The following CHD9 variants were observed in gnomAD, a reference collection of about 807,000 sequenced individuals.
The protein encoded by CHD9 is ATP-dependent chromatin remodeler CHD9.
In CHD9, 77 loss-of-function variants were observed where a neutral mutation model predicts 316.1. That is an observed-to-expected ratio of 0.24 (90% CI 0.20 to 0.29). The LOEUF (loss-of-function observed/expected upper bound fraction) is 0.29. Ranked by LOEUF, CHD9 falls within the 10% of genes least tolerant of loss-of-function variation. The probability of loss-of-function intolerance (pLI) is 1.00; values close to 1 mark genes in which losing one functional copy is unlikely to be tolerated. For synonymous variants in CHD9, 1,129 were observed against 1,158.3 expected, an observed-to-expected ratio of 0.97 and a Z score of 0.51; for missense variants, 2,763 against 3,438.1, an observed-to-expected ratio of 0.80 and a Z score of 4.91.
At chr16:53,081,156 A>G (rs1404951344) in intron 1 of CHD9, among the ~76,000 whole-genome samples, 1 of 152,218 alleles carries the variant, frequency 6.6e-6, no homozygotes, top group Non-Finnish European at 1.5e-5. Context: ...TGAGATTTTA[A>G]AAGCATTTGC....
intron 1 of CHD9, among the ~76,000 whole-genome samples, chr16:53,120,961 G>A (rs1475524642): frequency 1.3e-5 from 2 of 152,190 alleles, no homozygotes; most frequent in African/African-American, 2.4e-5. Flanking sequence ...AGCCAAGATC[G>A]TGCCACTGCA....
At chr16:53,186,537 G>C (rs2044025866) in intron 2 of CHD9, among the ~76,000 whole-genome samples, 1 of 152,126 alleles carries the variant, frequency 6.6e-6, no homozygotes. Flanking sequence ...AAGACTTCGA[G>C]GGACTGTTGG....
Position 53,238,500 on chromosome 16 carries a change from A to G in CHD9, c.2791A>G (p.Thr931Ala). 6.2e-7 allele frequency: 1 copy of G among 1,613,340 alleles called. No individual in the cohort carries two copies. Among genetic ancestry groups the G allele is most frequent in the African/African-American group, 1.3e-5 (1 of 74,998 alleles). ...CTGGGAGAGAGAATTTCGTACGTGGACTGATATTAACGTTGTGGTTTATCA... is the reference window on the plus strand; with the variant it reads ...CTGGGAGAGAGAATTTCGTACGTGGGCTGATATTAACGTTGTGGTTTATCA... The part of the protein sequence containing the change: ...ANWEREFRTW[T>A]DINVVVYHGS... The change falls in exon 12 of 39, where the codon ACT (threonine) becomes GCT (alanine). Residue 931 changes from threonine (T) to alanine (A), a missense_variant. Coordinates refer to ENST00000447540, the MANE Select transcript of CHD9 (RefSeq NM_001308319.2).
intron 2 of CHD9, among the ~76,000 whole-genome samples, chr16:53,162,833 A>G (rs73599592): frequency 0.034 from 4,825 of 143,272 alleles, 95 homozygotes; most frequent in Middle Eastern, 0.079. Context: ...CTCAGACTGG[A>G]GTGCAGTGGG....
Position 53,271,501 on chromosome 16 carries a change from G to T in CHD9, c.4718-2125G>T, listed in dbSNP as rs182777217. On this transcript the variant is annotated intron_variant, in intron 22 of 38. Transcript: ENST00000447540. Reference sequence around the variant, plus strand: ...TGAGAATCACTTGAACCTGGGAGGCGGAGGTTGCAGTGAGCCGAGATCACG... The same window carrying T: ...TGAGAATCACTTGAACCTGGGAGGCTGAGGTTGCAGTGAGCCGAGATCACG... 2.6e-4 allele frequency among the ~76,000 whole-genome samples: 39 copies of T among 151,760 alleles called. No individual in the cohort carries two copies. In the East Asian group the frequency reaches 7.6e-3, roughly 29 times the overall value.
In CHD9 at chr16:53,113,087, G is replaced by A. The variant is rs2037992371; in HGVS notation, c.-164-42839G>A. Among the ~76,000 whole-genome samples, 5 of 152,256 alleles carry A rather than the reference G, an allele frequency of 3.3e-5. No individual in the cohort carries two copies. In the South Asian group the frequency reaches 1.0e-3, roughly 32 times the overall value. ...GTCTCAGCTACGTTTGGGAGGCTGA[G>A]GCATGAGGATCACTTGAGCCTGGGA... is the stretch of plus-strand genomic sequence containing the variant. On this transcript the variant is annotated intron_variant, in intron 1 of 38. Transcript: ENST00000447540.
intron 32 of CHD9, 64 bp from the exon 33 acceptor site, chr16:53,307,617 A>C: frequency 7.0e-7 from 1 of 1,435,850 alleles, no homozygotes; most frequent in Non-Finnish European, 9.4e-7. Flanking sequence ...CTCTTGAGCT[A>C]TTTGATCTCC....
At chr16:53,176,439 A>G (rs1461918622) in intron 2 of CHD9, among the ~76,000 whole-genome samples, 1 of 152,254 alleles carries the variant, frequency 6.6e-6, no homozygotes, top group Non-Finnish European at 1.5e-5. Flanking sequence ...TCAATCTGCA[A>G]CTTGAATTAT....
intron 11 of CHD9, among the ~76,000 whole-genome samples, chr16:53,238,043 G>GT (rs1186756271): frequency 1.3e-5 from 2 of 152,040 alleles, no homozygotes; most frequent in Non-Finnish European, 2.9e-5. Context: ...GATACAGAAG[G>GT]TATTTATTAA....
intron 1 of CHD9, among the ~76,000 whole-genome samples, chr16:53,102,787 C>T (rs1462817474): frequency 6.6e-6 from 1 of 152,034 alleles, no homozygotes; most frequent in Non-Finnish European, 1.5e-5. Flanking sequence ...GAGTTCAAGG[C>T]CACAGTAAGC....
Position 53,267,980 on chromosome 16 carries a change from A to G in CHD9, c.4571A>G (p.Asn1524Ser), listed in dbSNP as rs1380304888. 2 of 1,613,704 alleles carry G rather than the reference A, an allele frequency of 1.2e-6. No homozygotes were observed. Among genetic ancestry groups the G allele is most frequent in the Non-Finnish European group, 1.7e-6 (2 of 1,179,726 alleles). ...LSHGRFKRQL[N>S]EHDVEIICRA... ...CATGGCCGTTTCAAAAGGCAGCTAAATGAACACGATGTAGAGATAATTTGC... is the reference window on the plus strand; with the variant it reads ...CATGGCCGTTTCAAAAGGCAGCTAAGTGAACACGATGTAGAGATAATTTGC... The change falls in exon 22 of 39, where the codon AAT (asparagine) becomes AGT (serine). Residue 1524 changes from asparagine (N) to serine (S), a missense_variant. Asn to Ser is a conservative substitution (Grantham distance 46, BLOSUM62 1). Transcript: ENST00000447540.
At chr16:53,127,895 A>G (rs2039041295) in intron 1 of CHD9, among the ~76,000 whole-genome samples, 1 of 144,054 alleles carries the variant, frequency 6.9e-6, no homozygotes. Flanking sequence ...GTTAGCCGAG[A>G]TCATTCCACT....
chr16:53,080,115 T>G lies in CHD9; in HGVS notation c.-165+25038T>G, dbSNP rs995440086. Among the ~76,000 whole-genome samples the G allele has an allele frequency of 2.0e-5, 3 of 152,284 alleles. 1 individual carries two copies. Among genetic ancestry groups the G allele is most frequent in the East Asian group, 1.9e-4 (1 of 5,190 alleles). On this transcript the variant is annotated intron_variant, in intron 1 of 38. Coordinates refer to ENST00000447540, the MANE Select transcript of CHD9 (RefSeq NM_001308319.2). ...AATCTCCAGGTAGTTAGTGTCAGAA[T>G]TGAATTGCATTATAGGACACCAGCT...
At chr16:53,143,761 G>T (rs1043711459) in intron 1 of CHD9, among the ~76,000 whole-genome samples, 1 of 152,048 alleles carries the variant, frequency 6.6e-6, no homozygotes, top group African/African-American at 2.4e-5. Context: ...AATAATTTAG[G>T]ATACTTCTGG....
chr16:53,231,111 A>G (rs192484417), intron 8 of CHD9, among the ~76,000 whole-genome samples: 67 of 152,332 alleles, frequency 4.4e-4, no homozygotes, highest in African/African-American at 1.5e-3. Context: ...GGGATGATGC[A>G]TGGTCTTCAA....
rs142276757 is a variant in CHD9 at position 53,082,623 on chromosome 16, C to T, written c.-165+27546C>T. ...CTCAGCCTCAGCTTATAGCCACTGC[C>T]CTGTTGGTCCCTTACTTGGCCCCAG... is the stretch of plus-strand genomic sequence containing the variant. On this transcript the variant is annotated intron_variant, in intron 1 of 38. Coordinates refer to ENST00000447540, the MANE Select transcript of CHD9 (RefSeq NM_001308319.2). Among the ~76,000 whole-genome samples, 22 of 152,336 alleles carry T rather than the reference C, an allele frequency of 1.4e-4. No individual in the cohort carries two copies. The East Asian group carries it at 3.9e-3, about 27-fold the overall frequency.
intron 1 of CHD9, among the ~76,000 whole-genome samples, chr16:53,077,956 C>G (rs1478693509): frequency 2.0e-5 from 3 of 152,130 alleles, no homozygotes; most frequent in Non-Finnish European, 4.4e-5. Flanking sequence ...CATCTGTAGT[C>G]CCAGCTACTT....
At chr16:53,068,737 A>T (rs116591158) in intron 1 of CHD9, among the ~76,000 whole-genome samples, 7 of 152,156 alleles carry the variant, frequency 4.6e-5, no homozygotes, top group Non-Finnish European at 1.0e-4. Context: ...ACCTGCACAC[A>T]CTGGGCTCAG....
In CHD9 at chr16:53,203,584, TAA is replaced by T. The variant is rs758658571; in HGVS notation, c.1453-5897_1453-5896del. On this transcript the variant is annotated intron_variant, in intron 2 of 38. Transcript: ENST00000447540. Reference sequence around the variant, plus strand: ...CACCTAGTCCTCCAAGCCTAAAGCCTAAGAGTCTTCCTCTCTCTTGAGAAAGG... The same window carrying T: ...CACCTAGTCCTCCAAGCCTAAAGCCTGAGTCTTCCTCTCTCTTGAGAAAGG... Among the ~76,000 whole-genome samples, 14 of 152,300 alleles carry T rather than the reference TAA, an allele frequency of 9.2e-5. No individual in the cohort carries two copies. The East Asian group carries it at 1.9e-3, about 21-fold the overall frequency.
Sources: gnomAD v4.1 joint callset for allele counts (sites outside exome capture counted in the v4.1 genomes callset) on GRCh38, gnomAD v4.1.1 for gene constraint, MANE v1.5 for transcripts, NCBI Gene and HGNC (gene_info 2026-07-23, HGNC 2026-07-21) for gene names.